The following USP31 variants were observed in gnomAD, a reference collection of about 807,000 sequenced individuals.
USP31 encodes ubiquitin specific peptidase 31, also known as ubiquitin carboxyl-terminal hydrolase 31.
In USP31, 44 loss-of-function variants were observed where a neutral mutation model predicts 119.4. The ratio of observed to expected loss-of-function variants is 0.37; its 90% confidence interval spans 0.29 to 0.47. The LOEUF (loss-of-function observed/expected upper bound fraction) is 0.47. Among genes scored for constraint, USP31 ranks in the 20% least tolerant of loss-of-function variants. The probability of loss-of-function intolerance (pLI) is 0.99; values close to 1 mark genes in which losing one functional copy is unlikely to be tolerated. For missense variants in USP31, 1,643 were observed against 1,730.2 expected, an observed-to-expected ratio of 0.95 and a Z score of 0.89; for synonymous variants, 749 against 705.6, an observed-to-expected ratio of 1.06 and a Z score of -0.97.
At chr16:23,112,855 C>G (rs966334508) in intron 1 of USP31, among the ~76,000 whole-genome samples, 4 of 151,750 alleles carry the variant, frequency 2.6e-5, no homozygotes, top group Non-Finnish European at 4.4e-5. Flanking sequence ...ATGGAGAAAT[C>G]CCGTCTCTAC....
At chr16:23,100,573 G>A (rs1359128981) in intron 6 of USP31, among the ~76,000 whole-genome samples, 4 of 151,940 alleles carry the variant, frequency 2.6e-5, no homozygotes, top group African/African-American at 9.7e-5. Context: ...AGGAGTTCGA[G>A]ACCAGCCTGG....
chr16:23,110,929 C>T (rs544445605), intron 1 of USP31, among the ~76,000 whole-genome samples: 98 of 152,126 alleles, frequency 6.4e-4, no homozygotes, highest in Non-Finnish European at 1.1e-3. Flanking sequence ...GAGATCGAGA[C>T]CATCCTAGTT....
Position 23,068,871 on chromosome 16 carries a change from A to G in USP31, c.3234T>C (p.Asp1078=). The G allele has an allele frequency of 1.3e-6, 2 of 1,586,146 alleles. No homozygotes were observed. Among genetic ancestry groups the G allele is most frequent in the South Asian group, 2.3e-5 (2 of 85,304 alleles). The change falls in exon 16 of 16, where the codon GAT becomes GAC. Residue 1078 remains aspartate, a synonymous_variant. Coordinates refer to ENST00000219689, the MANE Select transcript of USP31 (RefSeq NM_020718.4). ...GCCGTCCACTGCCCCTGGAAGAAGA[A>G]TCTGCTTTGCTGCGGGAGCGGGAGG... ...LKPSRSRSKA[D]SSSRGSGRHS... is the part of the protein sequence containing the mutation.
chr16:23,149,035 C>G lies in USP31; in HGVS notation c.236G>C (p.Ser79Thr). 2 of 1,220,204 alleles carry G rather than the reference C, an allele frequency of 1.6e-6. No individual in the cohort carries two copies. The highest frequency in any genetic ancestry group is 1.6e-5 in the African/African-American group (1 of 62,392). The allele number at this position is 1,220,204 out of a possible 1,614,324, so 75.6% of individuals were successfully genotyped here. ...LKTLSTLSHLSSEGAAPDRGG... is the reference protein window; with the variant it reads ...LKTLSTLSHLTSEGAAPDRGG... ...GCGGTCTGGGGCGGCGCCCTCAGAG[C>G]TAAGGTGCGAGAGCGTGGACAGCGT... Residue 79 changes from serine (S) to threonine (T), a missense_variant, in exon 1 of 16, where the codon AGC becomes ACC. By Grantham distance (58) the Ser-to-Thr change is moderately conservative. Coordinates refer to ENST00000219689, the MANE Select transcript of USP31 (RefSeq NM_020718.4).
chr16:23,106,567 G>A, intron 2 of USP31, 80 bp from the exon 3 acceptor site: 1 of 1,357,524 alleles, frequency 7.4e-7, no homozygotes. Flanking sequence ...AATCACATAT[G>A]ATCTTGACTT....
At chr16:23,111,611 A>AT (rs1179948873) in intron 1 of USP31, among the ~76,000 whole-genome samples, 4 of 152,164 alleles carry the variant, frequency 2.6e-5, no homozygotes, top group African/African-American at 9.7e-5. Context: ...AATTCAACAG[A>AT]TGGGGGGTGG....
chr16:23,124,170 T>G (rs762844819), intron 1 of USP31, among the ~76,000 whole-genome samples: 20 of 152,226 alleles, frequency 1.3e-4, no homozygotes, highest in African/African-American at 2.6e-4. Context: ...ATAGGGCCTA[T>G]GTAGTCCCAC....
At position 23,087,182 on chromosome 16, in the gene USP31, C is replaced by T. The variant is rs1255095511; in HGVS notation, c.1532G>A (p.Cys511Tyr). The T allele has an allele frequency of 6.2e-7, 1 of 1,612,706 alleles. No individual in the cohort carries two copies. Among genetic ancestry groups the T allele is most frequent in the Non-Finnish European group, 8.5e-7 (1 of 1,179,572 alleles). ...ACTGACCACACGCAAGCTGAATGGA[C>T]ACACCTGCATCAGATGTTAGATGAG... ...FLRPTVCIQV[C>Y]PFSLRVVSVV... The change falls in exon 9 of 16, where the codon TGT becomes TAT. Residue 511 changes from cysteine to tyrosine, a missense_variant. Around this residue, in one of 5 missense-constraint regions of USP31, gnomAD observed 219 missense variants for 226.4 expected, o/e 0.97. Coordinates refer to ENST00000219689, the MANE Select transcript of USP31 (RefSeq NM_020718.4).
intron 1 of USP31, among the ~76,000 whole-genome samples, chr16:23,141,383 T>TA (rs1242727476): frequency 1.4e-5 from 2 of 147,318 alleles, no homozygotes; most frequent in Non-Finnish European, 3.0e-5. Flanking sequence ...ATACAATAAT[T>TA]TTTTTTTTTT....
At position 23,121,076 on chromosome 16, in the gene USP31, T is replaced by TCTG. The variant is rs1330203551; in HGVS notation, c.634-12896_634-12894dup. Among the ~76,000 whole-genome samples, 3 of 152,242 alleles carry TCTG rather than the reference T, an allele frequency of 2.0e-5. No individual in the cohort carries two copies. In the East Asian group the frequency reaches 5.8e-4, roughly 29 times the overall value. On this transcript the variant is annotated intron_variant, in intron 1 of 15. Transcript: ENST00000219689. ...AAATAACCTTGCATTGACTCACTAT[T>TCTG]CTGCTATTGCATTTTTATAACTGCA...
At chr16:23,077,307 C>G (rs766228709) in intron 13 of USP31, among the ~76,000 whole-genome samples, 6 of 151,988 alleles carry the variant, frequency 3.9e-5, no homozygotes, top group Non-Finnish European at 7.4e-5. Flanking sequence ...GAACTTCAGG[C>G]AGTAAAATGA....
intron 13 of USP31, among the ~76,000 whole-genome samples, chr16:23,075,382 G>C (rs545348392): frequency 6.6e-6 from 1 of 152,286 alleles, no homozygotes; most frequent in South Asian, 2.1e-4. Context: ...CTCCTCTTCA[G>C]AATGGCCTCT....
At chr16:23,108,910 T>C (rs1277238546) in intron 1 of USP31, among the ~76,000 whole-genome samples, 4 of 152,186 alleles carry the variant, frequency 2.6e-5, no homozygotes, top group Non-Finnish European at 4.4e-5. Context: ...ACTTCAAGAT[T>C]CATCACTCAT....
chr16:23,094,284 T>G (rs1010798658), intron 6 of USP31, among the ~76,000 whole-genome samples: 2 of 152,130 alleles, frequency 1.3e-5, no homozygotes, highest in African/African-American at 4.8e-5. Context: ...GGTGGCAGCC[T>G]GGCTGGGGGA....
At chr16:23,087,008 G>A in intron 9 of USP31, 84 bp downstream of exon 9, 1 of 1,047,998 alleles carries the variant, frequency 9.5e-7, no homozygotes, top group East Asian at 2.7e-5. Flanking sequence ...ACACTTATGT[G>A]GAAATTATAT....
chr16:23,143,299 C>T (rs367980423), intron 1 of USP31, among the ~76,000 whole-genome samples: 4 of 152,278 alleles, frequency 2.6e-5, no homozygotes, highest in South Asian at 4.1e-4. Context: ...ATCTTTCTTG[C>T]TTGAAAGATG....
At chr16:23,134,064 G>C (rs1397261917) in intron 1 of USP31, among the ~76,000 whole-genome samples, 1 of 148,094 alleles carries the variant, frequency 6.8e-6, no homozygotes, top group Non-Finnish European at 1.5e-5. Context: ...GCAACACAGT[G>C]AGACCCTGTC....
intron 1 of USP31, among the ~76,000 whole-genome samples, chr16:23,142,585 G>A (rs1567250029): frequency 6.6e-6 from 1 of 152,220 alleles, no homozygotes; most frequent in Non-Finnish European, 1.5e-5. Flanking sequence ...GTCAGTGGAA[G>A]TCAGAATTCT....
rs1227777802 is a variant in USP31 at position 23,061,481 on chromosome 16, C to A, written c.*6565G>T. On this transcript the variant is annotated 3_prime_UTR_variant, in exon 16 of 16. Coordinates refer to ENST00000219689, the MANE Select transcript of USP31 (RefSeq NM_020718.4). ...CTTTTCTCTTAATTCCAACTGTATA[C>A]TATATAATCAACGCTGTTTCAGAAA... is the stretch of plus-strand genomic sequence containing the variant. The A allele has an allele frequency of 6.6e-6, 1 of 152,602 alleles. No homozygotes were observed. The highest frequency in any genetic ancestry group is 1.5e-5 in the Non-Finnish European group (1 of 68,042). The allele number at this position is 152,602 out of a possible 1,614,324, so 9.5% of individuals were successfully genotyped here. A position where few individuals can be genotyped will look rare whatever the true frequency, so the allele number is the denominator to read the frequency against.
Sources: gnomAD v4.1 joint callset for allele counts (sites outside exome capture counted in the v4.1 genomes callset) on GRCh38, gnomAD v4.1.1 for gene constraint, gnomAD v4.1.1 regional missense constraint, MANE v1.5 for transcripts, NCBI Gene and HGNC (gene_info 2026-07-23, HGNC 2026-07-21) for gene names.